ARHGAP6: variants seen among roughly 807,000 people sequenced by gnomAD.
The protein encoded by ARHGAP6 is rho GTPase-activating protein 6.
ARHGAP6 carries 16 observed loss-of-function variants against 55.7 expected under a neutral mutation model. That is an observed-to-expected ratio of 0.29 (90% CI 0.19 to 0.44). The LOEUF (loss-of-function observed/expected upper bound fraction) is 0.44. Among genes scored for constraint, ARHGAP6 ranks in the 20% least tolerant of loss-of-function variants. The pLI, the probability that ARHGAP6 is intolerant of heterozygous loss-of-function variation, is 1.00. For missense variants in ARHGAP6, 698 were observed against 808.9 expected (o/e 0.86, Z 1.66); for synonymous variants, 382 against 360.9 (o/e 1.06, Z -0.66).
intron 1 of ARHGAP6, among the ~76,000 whole-genome samples, chrX:11,345,417 A>G (rs2048767702): frequency 8.9e-6 from 1 of 112,533 alleles, no homozygotes; most frequent in Non-Finnish European, 1.9e-5. Context: ...TCCAAAGCAA[A>G]TAAGAACAAA....
intron 1 of ARHGAP6, among the ~76,000 whole-genome samples, chrX:11,435,378 G>T (rs2049977982): frequency 8.9e-6 from 1 of 112,399 alleles, no homozygotes; most frequent in South Asian, 3.7e-4. Context: ...TACCTGGAAA[G>T]ATAATAAGAT....
chrX:11,478,468 A>G (rs185056106), intron 1 of ARHGAP6, among the ~76,000 whole-genome samples: 1 of 112,304 alleles, frequency 8.9e-6, no homozygotes, highest in African/African-American at 3.2e-5. Context: ...ATGGATTTCA[A>G]AAACAGGCAG....
intron 1 of ARHGAP6, among the ~76,000 whole-genome samples, chrX:11,535,360 C>A (rs1042287002): frequency 4.5e-5 from 5 of 112,029 alleles, no homozygotes; most frequent in African/African-American, 1.6e-4. Flanking sequence ...GGGAAAATTG[C>A]TTAAATCTTG....
intron 1 of ARHGAP6, among the ~76,000 whole-genome samples, chrX:11,437,341 T>C (rs1442363835): frequency 8.9e-6 from 1 of 112,776 alleles, no homozygotes; most frequent in Non-Finnish European, 1.9e-5. Context: ...AGTGCAAAGC[T>C]GGCTTCTATC....
chrX:11,607,768 A>G (rs1259888889), intron 1 of ARHGAP6, among the ~76,000 whole-genome samples: 2 of 112,405 alleles, frequency 1.8e-5, no homozygotes, highest in East Asian at 5.5e-4. Context: ...TCTACTTTAA[A>G]TTTATGTTTG....
chrX:11,524,045 C>A (rs1000336229), intron 1 of ARHGAP6, among the ~76,000 whole-genome samples: 1 of 111,560 alleles, frequency 9.0e-6, no homozygotes, highest in Non-Finnish European at 1.9e-5. Context: ...AGTTAACATG[C>A]GCAAAATATA....
chrX:11,457,962 G>A (rs2050209013), intron 1 of ARHGAP6, among the ~76,000 whole-genome samples: 1 of 111,596 alleles, frequency 9.0e-6, no homozygotes, highest in African/African-American at 3.3e-5. Context: ...TCAATTCCTG[G>A]TCCCAGGGTC....
At chrX:11,604,265 A>T (rs1283803265) in intron 1 of ARHGAP6, among the ~76,000 whole-genome samples, 2 of 112,012 alleles carry the variant, frequency 1.8e-5, no homozygotes. Context: ...CATTAAAAAC[A>T]CAACCAAGCT....
chrX:11,232,593 A>G (rs1315243269), intron 2 of ARHGAP6, among the ~76,000 whole-genome samples: 2 of 111,847 alleles, frequency 1.8e-5, no homozygotes, highest in Non-Finnish European at 3.8e-5. Flanking sequence ...AGATCATGCC[A>G]CTGCACTCCA....
intron 1 of ARHGAP6, among the ~76,000 whole-genome samples, chrX:11,629,641 AAGCAC>A (rs2052338952): frequency 9.0e-6 from 1 of 110,623 alleles, no homozygotes; most frequent in Non-Finnish European, 1.9e-5. Flanking sequence ...TCCATTATTA[AAGCAC>A]ATACTCCCAC....
intron 1 of ARHGAP6, among the ~76,000 whole-genome samples, chrX:11,406,682 G>A (rs1029264406): frequency 1.8e-5 from 2 of 111,557 alleles, no homozygotes; most frequent in Non-Finnish European, 3.8e-5. Flanking sequence ...GTGTGCGTAG[G>A]GGGTATTGAA....
rs190914785 is a variant in ARHGAP6, at chrX:11,354,702, C to G, written c.589-99995G>C. Among the ~76,000 whole-genome samples the G allele has an allele frequency of 3.2e-4, 36 of 111,221 alleles. No individual in the cohort carries two copies. The Admixed American group carries it at 3.5e-3, about 11-fold the overall frequency. ...TTTTCCGGAAACTTTGTGGATCAGA[C>G]AGTAAAATGTAGCAAATACAGCTGT... On this transcript the variant is annotated intron_variant, in intron 1 of 12. Transcript: ENST00000337414.
At chrX:11,406,708 G>A (rs1292877145) in intron 1 of ARHGAP6, among the ~76,000 whole-genome samples, 1 of 111,734 alleles carries the variant, frequency 8.9e-6, no homozygotes, top group Admixed American at 9.5e-5. Flanking sequence ...CTGTATCCCA[G>A]TGTCCAGCGA....
chrX:11,166,275 C>A (rs1305553470), intron 9 of ARHGAP6, among the ~76,000 whole-genome samples: 1 of 111,357 alleles, frequency 9.0e-6, no homozygotes, highest in Admixed American at 9.6e-5. Context: ...TCCCTTCCAC[C>A]AGTTATTTTA....
intron 1 of ARHGAP6, among the ~76,000 whole-genome samples, chrX:11,632,365 A>G (rs1601714499): frequency 8.9e-6 from 1 of 112,463 alleles, no homozygotes; most frequent in Non-Finnish European, 1.9e-5. Flanking sequence ...CCAATAATAC[A>G]TAACAACTTG....
chrX:11,523,823 T>C lies in ARHGAP6; in HGVS notation c.588+140418A>G, dbSNP rs1031784469. ...GGAAAGGCAGATTTGGGTTCAATAG[T>C]AGAAACAACCACGGTACTCAAGGAG... On this transcript the variant is annotated intron_variant, in intron 1 of 12. Coordinates refer to ENST00000337414, the MANE Select transcript of ARHGAP6 (RefSeq NM_013427.3). Among the ~76,000 whole-genome samples, 3 of 111,231 alleles carry C rather than the reference T, an allele frequency of 2.7e-5. No homozygotes were observed. The South Asian group carries it at 1.2e-3, about 43-fold the overall frequency.
intron 1 of ARHGAP6, among the ~76,000 whole-genome samples, chrX:11,624,374 T>G (rs912905842): frequency 9.0e-6 from 1 of 111,199 alleles, no homozygotes; most frequent in African/African-American, 3.3e-5. Context: ...AATTGACAAA[T>G]CAGATAACAT....
intron 1 of ARHGAP6, among the ~76,000 whole-genome samples, chrX:11,395,413 G>A (rs2049464623): frequency 8.9e-6 from 1 of 112,685 alleles, no homozygotes; most frequent in East Asian, 2.8e-4. Flanking sequence ...TGGGGCAGCA[G>A]TGTGCTGATA....
chrX:11,590,551 C>T (rs2051793728), intron 1 of ARHGAP6, among the ~76,000 whole-genome samples: 1 of 107,405 alleles, frequency 9.3e-6, no homozygotes, highest in African/African-American at 3.4e-5. Flanking sequence ...TTTGGAAGGC[C>T]GAGGTGGCTG....
Sources: allele counts gnomAD v4.1 joint callset (sites outside exome capture counted in the v4.1 genomes callset), GRCh38; gene constraint gnomAD v4.1.1; transcripts MANE v1.5; gene names NCBI Gene and HGNC (gene_info 2026-07-23, HGNC 2026-07-21).